The following PTPRO variants were observed in gnomAD, a reference collection of about 807,000 sequenced individuals.
PTPRO encodes protein tyrosine phosphatase receptor type O.
In PTPRO, 62 loss-of-function variants were observed where a neutral mutation model predicts 145.2. The observed-to-expected ratio is 0.43, with a 90% confidence interval of 0.35 to 0.53. PTPRO has a LOEUF of 0.53. Ranked by LOEUF, PTPRO falls within the 20% of genes least tolerant of loss-of-function variation. PTPRO has a pLI of 0.01. For missense variants in PTPRO, 1,345 were observed against 1,482.7 expected, an observed-to-expected ratio of 0.91 and a Z score of 1.53; for synonymous variants, 565 against 514.7, an observed-to-expected ratio of 1.10 and a Z score of -1.32.
intron 1 of PTPRO, among the ~76,000 whole-genome samples, chr12:15,342,321 T>C (rs1025857680): frequency 6.6e-6 from 1 of 152,208 alleles, no homozygotes; most frequent in Admixed American, 6.5e-5. Flanking sequence ...TTGTTGTTTA[T>C]CTAATTTCAT....
intron 1 of PTPRO, among the ~76,000 whole-genome samples, chr12:15,374,852 C>T (rs555706808): frequency 2.6e-5 from 4 of 152,126 alleles, no homozygotes; most frequent in Admixed American, 6.5e-5. Context: ...TTAGAAGCCA[C>T]ATGTATAAGT....
chr12:15,339,958 T>G (rs141448083), intron 1 of PTPRO, among the ~76,000 whole-genome samples: 2 of 152,306 alleles, frequency 1.3e-5, no homozygotes, highest in East Asian at 3.9e-4. Flanking sequence ...ATATAAGATA[T>G]GTCCCAAAGG....
At chr12:15,358,498 A>G (rs1353442368) in intron 1 of PTPRO, among the ~76,000 whole-genome samples, 1 of 152,148 alleles carries the variant, frequency 6.6e-6, no homozygotes, top group Non-Finnish European at 1.5e-5. Flanking sequence ...GTCTCTATGC[A>G]TTTCAGGCAG....
At position 15,549,245 on chromosome 12, in the gene PTPRO, G is replaced by GAAATCTGGTCTTTGGAAGT. The variant is rs570561877; in HGVS notation, c.2437+19_2437+20insAAATCTGGTCTTTGGAAGT. 1 of 1,558,336 alleles carries GAAATCTGGTCTTTGGAAGT rather than the reference G, an allele frequency of 6.4e-7. No individual in the cohort carries two copies. The highest frequency in any genetic ancestry group is 1.4e-5 in the African/African-American group (1 of 72,180). On this transcript the variant is annotated intron_variant, in intron 14 of 26. Coordinates refer to ENST00000281171, the MANE Select transcript of PTPRO (RefSeq NM_030667.3). ...ACAATGGGTAATTATACACATTAGT[G>GAAATCTGGTCTTTGGAAGT]TATAATTTTCTCACTTTTTTTGAAT...
At chr12:15,491,127 A>G (rs1941991259) in intron 2 of PTPRO, among the ~76,000 whole-genome samples, 1 of 152,116 alleles carries the variant, frequency 6.6e-6, no homozygotes. Flanking sequence ...ATGATCATCT[A>G]TGCACCAAAC....
intron 1 of PTPRO, among the ~76,000 whole-genome samples, chr12:15,340,575 T>C (rs1306299127): frequency 6.6e-6 from 1 of 152,264 alleles, no homozygotes; most frequent in Non-Finnish European, 1.5e-5. Flanking sequence ...CTTATTCTTT[T>C]GTTTTTTATC....
At chr12:15,435,036 T>C (rs1164952819) in intron 1 of PTPRO, among the ~76,000 whole-genome samples, 1 of 152,194 alleles carries the variant, frequency 6.6e-6, no homozygotes, top group African/African-American at 2.4e-5. Flanking sequence ...ATTGGTATAA[T>C]TTTTAAAGAC....
At chr12:15,334,320 A>C (rs1374215792) in intron 1 of PTPRO, among the ~76,000 whole-genome samples, 1 of 152,212 alleles carries the variant, frequency 6.6e-6, no homozygotes, top group Non-Finnish European at 1.5e-5. Flanking sequence ...CTTCTTATAG[A>C]AACAACTGGT....
intron 1 of PTPRO, among the ~76,000 whole-genome samples, chr12:15,464,736 A>T (rs1941380685): frequency 1.3e-5 from 2 of 152,038 alleles, no homozygotes; most frequent in Admixed American, 1.3e-4. Flanking sequence ...ACCTGTGTGG[A>T]TTATTGTAAA....
intron 1 of PTPRO, among the ~76,000 whole-genome samples, chr12:15,333,135 T>C (rs1048638313): frequency 3.9e-5 from 6 of 152,226 alleles, no homozygotes; most frequent in African/African-American, 1.4e-4. Context: ...TTGGGAATGC[T>C]AGTGTGAGAA....
intron 7 of PTPRO, among the ~76,000 whole-genome samples, chr12:15,514,224 G>A (rs1440274188): frequency 6.6e-6 from 1 of 152,104 alleles, no homozygotes; most frequent in Non-Finnish European, 1.5e-5. Context: ...GCCCAGGCAC[G>A]TGGATCACCT....
intron 1 of PTPRO, among the ~76,000 whole-genome samples, chr12:15,346,944 G>A (rs1867239461): frequency 6.6e-6 from 1 of 152,024 alleles, no homozygotes; most frequent in Non-Finnish European, 1.5e-5. Flanking sequence ...TAATCTTTCT[G>A]AATTTTTCTC....
At chr12:15,334,031 T>C (rs1866685791) in intron 1 of PTPRO, among the ~76,000 whole-genome samples, 2 of 152,130 alleles carry the variant, frequency 1.3e-5, no homozygotes, top group South Asian at 2.1e-4. Context: ...AAATGTCAAA[T>C]AGAAACTTAA....
chr12:15,435,361 T>C (rs1051920454), intron 1 of PTPRO, among the ~76,000 whole-genome samples: 1 of 152,214 alleles, frequency 6.6e-6, no homozygotes, highest in Non-Finnish European at 1.5e-5. Flanking sequence ...ATAAAAATTT[T>C]TGTGTAACTG....
chr12:15,449,773 T>C (rs73059034), intron 1 of PTPRO, among the ~76,000 whole-genome samples: 31,473 of 152,132 alleles, frequency 0.21, 4,095 homozygotes, highest in Admixed American at 0.3. Flanking sequence ...TAATCTAAGA[T>C]GTTACAGTAG....
At chr12:15,469,157 A>C (rs922039692) in intron 1 of PTPRO, among the ~76,000 whole-genome samples, 15 of 152,206 alleles carry the variant, frequency 9.9e-5, no homozygotes, top group Non-Finnish European at 4.4e-5. Context: ...ATTCCGAAAT[A>C]AATGATTAGC....
chr12:15,424,163 C>T (rs937919450), intron 1 of PTPRO, among the ~76,000 whole-genome samples: 7 of 152,128 alleles, frequency 4.6e-5, no homozygotes, highest in Non-Finnish European at 7.4e-5. Flanking sequence ...ATTATCTTTT[C>T]AGTGAAATCT....
At chr12:15,459,039 C>G (rs1475909271) in intron 1 of PTPRO, among the ~76,000 whole-genome samples, 1 of 152,138 alleles carries the variant, frequency 6.6e-6, no homozygotes. Flanking sequence ...GTATGCTAGG[C>G]AAAACCATCA....
At chr12:15,550,570 C>T (rs1943429694) in intron 14 of PTPRO, among the ~76,000 whole-genome samples, 1 of 152,060 alleles carries the variant, frequency 6.6e-6, no homozygotes, top group South Asian at 2.1e-4. Flanking sequence ...AAAATGAGGC[C>T]CATAGGGCAG....
Sources: gnomAD v4.1 joint callset for allele counts (sites outside exome capture counted in the v4.1 genomes callset) on GRCh38, gnomAD v4.1.1 for gene constraint, MANE v1.5 for transcripts, NCBI Gene and HGNC (gene_info 2026-07-23, HGNC 2026-07-21) for gene names.